MARK1: variants seen among roughly 807,000 people sequenced by gnomAD.
MARK1 encodes the protein microtubule affinity regulating kinase 1.
Under a neutral mutation model 96.3 loss-of-function variants are expected in MARK1, and 40 were observed. That is an observed-to-expected ratio of 0.42 (90% CI 0.32 to 0.54). MARK1 has a LOEUF of 0.54. MARK1 is among the 20% of genes least tolerant of loss of function. MARK1 has a pLI of 0.16. For synonymous variants in MARK1, 317 were observed against 341.2 expected, an observed-to-expected ratio of 0.93 and a Z score of 0.78; for missense variants, 719 against 984.6, an observed-to-expected ratio of 0.73 and a Z score of 3.61.
At chr1:220,623,233 T>A (rs1052195489) in intron 9 of MARK1, among the ~76,000 whole-genome samples, 2 of 152,126 alleles carry the variant, frequency 1.3e-5, no homozygotes, top group African/African-American at 4.8e-5. Flanking sequence ...GTACCTCCAT[T>A]TTCTGGGAAA....
intron 15 of MARK1, 150 bp downstream of exon 15, chr1:220,652,300 C>T: frequency 1.9e-6 from 1 of 539,864 alleles, no homozygotes; most frequent in Non-Finnish European, 3.0e-6. Flanking sequence ...GTAACATAAA[C>T]TTTCTATGTA....
At chr1:220,576,783 G>A (rs1425602309) in intron 1 of MARK1, 1 of 152,116 alleles carries the variant, frequency 6.6e-6, no homozygotes, top group Non-Finnish European at 1.5e-5. Context: ...ATTAAGTTAT[G>A]GGGCTTTAGG....
chr1:220,663,665 A>G lies in MARK1; in HGVS notation c.*1499A>G, dbSNP rs1669594337. ...CTAAGTGTAGGTGATGTGCCATTCC[A>G]TAATGGCTTCCAGACTAGGGTGAAT... On this transcript the variant is annotated 3_prime_UTR_variant, in exon 18 of 18. Transcript: ENST00000366917. 2 of 152,702 alleles carry G rather than the reference A, an allele frequency of 1.3e-5. No individual in the cohort carries two copies. The highest frequency in any genetic ancestry group is 2.4e-5 in the African/African-American group (1 of 41,562). The allele number at this position is 152,702 out of a possible 1,614,324, so 9.5% of individuals were successfully genotyped here.
chr1:220,530,730 A>G (rs1428235265), intron 1 of MARK1, among the ~76,000 whole-genome samples: 1 of 152,180 alleles, frequency 6.6e-6, no homozygotes, highest in Non-Finnish European at 1.5e-5. Flanking sequence ...TGTTGTGAGT[A>G]CCTTCTGAAA....
chr1:220,625,375 A>G (rs1280358251), intron 9 of MARK1, among the ~76,000 whole-genome samples: 2 of 152,176 alleles, frequency 1.3e-5, no homozygotes, highest in Non-Finnish European at 2.9e-5. Flanking sequence ...TAGGTGCTGG[A>G]TATGCAATAT....
intron 1 of MARK1, among the ~76,000 whole-genome samples, chr1:220,540,535 C>A (rs1244235977): frequency 1.3e-5 from 2 of 152,152 alleles, no homozygotes; most frequent in African/African-American, 4.8e-5. Flanking sequence ...TTCCTCAGCC[C>A]AGTCAAATTG....
intron 1 of MARK1, among the ~76,000 whole-genome samples, chr1:220,563,279 T>C (rs1662798224): frequency 6.6e-6 from 1 of 152,088 alleles, no homozygotes; most frequent in East Asian, 1.9e-4. Context: ...TAATTTTCCT[T>C]AAAAGAAGGT....
In MARK1 at chr1:220,578,655, A is replaced by T. The variant is rs1336249583; in HGVS notation, c.52-699A>T. Among the ~76,000 whole-genome samples the T allele has an allele frequency of 3.9e-5, 6 of 152,280 alleles. No individual in the cohort carries two copies. The East Asian group carries it at 1.2e-3, about 29-fold the overall frequency. ...TGGCTGGGCTAGTTTTGAGAAAAAGATTTATACCCATGAGGTTGTCTTGGC... is the reference window on the plus strand; with the variant it reads ...TGGCTGGGCTAGTTTTGAGAAAAAGTTTTATACCCATGAGGTTGTCTTGGC... On this transcript the variant is annotated intron_variant, in intron 1 of 17. Transcript: ENST00000366917.
intron 5 of MARK1, among the ~76,000 whole-genome samples, chr1:220,601,380 A>G (rs997667275): frequency 1.3e-5 from 2 of 151,226 alleles, no homozygotes; most frequent in Non-Finnish European, 2.9e-5. Context: ...AAAATCTATC[A>G]TTAATGTTTA....
At chr1:220,562,578 A>G (rs1222523098) in intron 1 of MARK1, among the ~76,000 whole-genome samples, 1 of 152,168 alleles carries the variant, frequency 6.6e-6, no homozygotes, top group East Asian at 1.9e-4. Flanking sequence ...GATTTCCATT[A>G]AATGCTCAGT....
chr1:220,655,836 G>A (rs1669139877), intron 16 of MARK1, among the ~76,000 whole-genome samples: 1 of 152,028 alleles, frequency 6.6e-6, no homozygotes, highest in Non-Finnish European at 1.5e-5. Context: ...TGGCCTGTGG[G>A]GCCTTGTGTA....
rs1258037087 is a variant in MARK1, at chr1:220,528,531, T to G, written c.-292T>G. ...CCGGCTCCCCTTCCACGCCTCATCCTGCCAGCCTCGCCGCCCCGCCAGCGC... is the reference window on the plus strand; with the variant it reads ...CCGGCTCCCCTTCCACGCCTCATCCGGCCAGCCTCGCCGCCCCGCCAGCGC... On this transcript the variant is annotated 5_prime_UTR_variant, in exon 1 of 18. Coordinates refer to ENST00000366917, the MANE Select transcript of MARK1 (RefSeq NM_018650.5). The G allele has an allele frequency of 9.1e-6, 4 of 439,584 alleles. No homozygotes were observed. Among genetic ancestry groups the G allele is most frequent in the Non-Finnish European group, 1.6e-5 (4 of 248,826 alleles). 27.2% of individuals were successfully genotyped at this position (439,584 alleles called of 1,614,324 possible). A position where few individuals can be genotyped will look rare whatever the true frequency, so the allele number is the denominator to read the frequency against.
In MARK1 at chr1:220,600,157, A is replaced by G. The variant is rs187567809; in HGVS notation, c.424+294A>G. Among the ~76,000 whole-genome samples the G allele has an allele frequency of 1.5e-3, 232 of 152,276 alleles. 3 individuals carry two copies. Among genetic ancestry groups the G allele is most frequent in the Non-Finnish European group, 9.1e-4 (62 of 67,970 alleles). On this transcript the variant is annotated intron_variant, in intron 5 of 17. Coordinates refer to ENST00000366917, the MANE Select transcript of MARK1 (RefSeq NM_018650.5). ...GATTCTCTTATCTAAATTTTACTAT[A>G]TCATATCATGATTAGAAACTCTTGG...
At chr1:220,603,095 T>C (rs1464386358) in intron 5 of MARK1, among the ~76,000 whole-genome samples, 16 of 152,076 alleles carry the variant, frequency 1.1e-4, no homozygotes, top group Admixed American at 1.0e-3. Flanking sequence ...TGAGTTTTTT[T>C]GTTTTTACCA....
At position 220,579,730 on chromosome 1, in the gene MARK1, T is replaced by C. The variant is rs534672250; in HGVS notation, c.255+173T>C. Among the ~76,000 whole-genome samples the C allele has an allele frequency of 1.5e-3, 231 of 152,352 alleles. 3 individuals are homozygous for C. The highest frequency in any genetic ancestry group is 4.8e-3 in the African/African-American group (200 of 41,580). On this transcript the variant is annotated intron_variant, in intron 2 of 17. Coordinates refer to ENST00000366917, the MANE Select transcript of MARK1 (RefSeq NM_018650.5). ...GTTTATCACGGCATAAAAGTTGACC[T>C]TTTAATATTTAGAAAAGAATCATTC...
chr1:220,537,059 ATAGT>A, intron 1 of MARK1, among the ~76,000 whole-genome samples: 1 of 150,922 alleles, frequency 6.6e-6, no homozygotes. Context: ...AACATGTGGC[ATAGT>A]TTGTTGCACA....
chr1:220,562,458 A>G (rs188113944), intron 1 of MARK1, among the ~76,000 whole-genome samples: 9 of 152,296 alleles, frequency 5.9e-5, no homozygotes, highest in African/African-American at 2.2e-4. Flanking sequence ...TGACAGAGCG[A>G]GAAGTCTGTC....
chr1:220,611,338 G>A (rs1286238839), intron 6 of MARK1, among the ~76,000 whole-genome samples: 2 of 152,214 alleles, frequency 1.3e-5, no homozygotes, highest in African/African-American at 4.8e-5. Context: ...AGACTGTTGT[G>A]CTAGCGGTGA....
intron 1 of MARK1, among the ~76,000 whole-genome samples, chr1:220,569,752 G>C (rs896771663): frequency 6.6e-6 from 1 of 151,906 alleles, no homozygotes; most frequent in African/African-American, 2.4e-5. Context: ...TTTTTAAAAA[G>C]TTTTTTTCAC....
Sources: gnomAD v4.1 joint callset for allele counts (sites outside exome capture counted in the v4.1 genomes callset) on GRCh38, gnomAD v4.1.1 for gene constraint, MANE v1.5 for transcripts, NCBI Gene and HGNC (gene_info 2026-07-23, HGNC 2026-07-21) for gene names.